ADGRL3: variants seen among roughly 807,000 people sequenced by gnomAD.
ADGRL3 encodes the protein calcium-independent alpha-latrotoxin receptor 3.
In ADGRL3, 62 loss-of-function variants were observed where a neutral mutation model predicts 153.5. The observed-to-expected ratio is 0.40, with a 90% confidence interval of 0.33 to 0.50. ADGRL3 has a LOEUF of 0.50. Among genes scored for constraint, ADGRL3 ranks in the 20% least tolerant of loss-of-function variants. The pLI, the probability that ADGRL3 is intolerant of heterozygous loss-of-function variation, is 0.47. For missense variants in ADGRL3, 1,641 were observed against 1,859.4 expected, an observed-to-expected ratio of 0.88 and a Z score of 2.16; for synonymous variants, 710 against 672.5, an observed-to-expected ratio of 1.06 and a Z score of -0.86.
intron 8 of ADGRL3, among the ~76,000 whole-genome samples, chr4:61,761,858 G>A (rs754740135): frequency 1.3e-5 from 2 of 152,070 alleles, no homozygotes; most frequent in Non-Finnish European, 2.9e-5. Context: ...TTGTGCCCAG[G>A]AGCTGGAGGC....
chr4:61,584,755 A>G (rs2098939677), intron 4 of ADGRL3, among the ~76,000 whole-genome samples: 1 of 151,990 alleles, frequency 6.6e-6, no homozygotes. Context: ...TTCTGATATT[A>G]AGGACCTTTT....
At chr4:61,525,573 T>C (rs1298142666) in intron 4 of ADGRL3, among the ~76,000 whole-genome samples, 1 of 151,978 alleles carries the variant, frequency 6.6e-6, no homozygotes, top group Non-Finnish European at 1.5e-5. Context: ...GTGGGAAAAG[T>C]TAGGATAGAG....
At chr4:61,997,435 A>G (rs963736281) in intron 20 of ADGRL3, among the ~76,000 whole-genome samples, 13 of 152,006 alleles carry the variant, frequency 8.6e-5, no homozygotes, top group Non-Finnish European at 1.8e-4. Flanking sequence ...TTGATAAAGT[A>G]TTGCGAACAT....
chr4:61,766,598 C>G (rs1322281191), intron 8 of ADGRL3, among the ~76,000 whole-genome samples: 1 of 151,738 alleles, frequency 6.6e-6, no homozygotes, highest in African/African-American at 2.4e-5. Context: ...GAGAATTATG[C>G]CAAGATAGGT....
intron 9 of ADGRL3, among the ~76,000 whole-genome samples, chr4:61,878,894 C>T (rs1056734317): frequency 2.6e-5 from 4 of 152,262 alleles, no homozygotes; most frequent in Middle Eastern, 3.4e-3. Flanking sequence ...CACTCATTGA[C>T]TCTTAAATTC....
Position 62,073,016 on chromosome 4 carries a change from C to T in ADGRL3, c.*2108C>T, listed in dbSNP as rs988010475. ...TTCTAGATCTCTCATTACTGCAGAT[C>T]CTTTATAGCAGTGTCCAAGTACAGA... On this transcript the variant is annotated 3_prime_UTR_variant, in exon 27 of 27. Coordinates refer to ENST00000683033, the MANE Select transcript of ADGRL3 (RefSeq NM_001387552.1). 8.6e-5 allele frequency: 13 copies of T among 152,040 alleles called. No individual in the cohort carries two copies. Among genetic ancestry groups the T allele is most frequent in the Admixed American group, 5.2e-4 (8 of 15,254 alleles). The allele number at this position is 152,040 out of a possible 1,614,324, so 9.4% of individuals were successfully genotyped here.
rs182078045 is a variant in ADGRL3 at position 61,993,468 on chromosome 4, T to C, written c.3237-2823T>C. On this transcript the variant is annotated intron_variant, in intron 19 of 26. Transcript: ENST00000683033. ...CACCAGGTCCGGCTAATTTTTGTAT[T>C]TTTAGTAGAGATGGGATTTCACCAT... Among the ~76,000 whole-genome samples the C allele has an allele frequency of 2.4e-4, 37 of 151,630 alleles. No individual in the cohort carries two copies. In the East Asian group the frequency reaches 6.9e-3, roughly 28 times the overall value.
chr4:61,677,107 A>G (rs1043443440), intron 6 of ADGRL3, 172 bp downstream of exon 6: 5 of 554,630 alleles, frequency 9.0e-6, no homozygotes, highest in Non-Finnish European at 1.6e-5. Flanking sequence ...AGAATTAGAT[A>G]TTGCCTACCC....
intron 4 of ADGRL3, among the ~76,000 whole-genome samples, chr4:61,536,786 T>C (rs982370309): frequency 6.6e-6 from 1 of 152,056 alleles, no homozygotes; most frequent in South Asian, 2.1e-4. Flanking sequence ...CATTACACAT[T>C]AGGTAGGTCT....
intron 8 of ADGRL3, among the ~76,000 whole-genome samples, chr4:61,787,323 C>A (rs1230677051): frequency 4.0e-5 from 6 of 151,670 alleles, no homozygotes; most frequent in Non-Finnish European, 8.8e-5. Flanking sequence ...TTTCAAATAT[C>A]CTAGCTTTTA....
In ADGRL3 at chr4:61,327,866, C is replaced by T. The variant is rs553963418; in HGVS notation, c.-239-55258C>T. Among the ~76,000 whole-genome samples, 26 of 151,910 alleles carry T rather than the reference C, an allele frequency of 1.7e-4. 1 individual carries two copies. In the South Asian group the frequency reaches 5.2e-3, roughly 30 times the overall value. On this transcript the variant is annotated intron_variant, in intron 1 of 26. Transcript: ENST00000683033. ...TTAATTATTAATCCATGATGATGTT[C>T]AGTAGTTTTAAAGAAATAGGACTTG...
chr4:61,776,101 T>G (rs1307861923), intron 8 of ADGRL3, among the ~76,000 whole-genome samples: 1 of 151,838 alleles, frequency 6.6e-6, no homozygotes, highest in Non-Finnish European at 1.5e-5. Flanking sequence ...GGGGTTTCAC[T>G]GTGTTAGCCA....
At chr4:61,902,041 A>G (rs544853191) in intron 11 of ADGRL3, among the ~76,000 whole-genome samples, 1 of 152,306 alleles carries the variant, frequency 6.6e-6, no homozygotes, top group South Asian at 2.1e-4. Flanking sequence ...TTCAACATAT[A>G]TGTATATTTT....
At chr4:61,976,429 T>C (rs2099048296) in intron 17 of ADGRL3, among the ~76,000 whole-genome samples, 1 of 152,170 alleles carries the variant, frequency 6.6e-6, no homozygotes, top group African/African-American at 2.4e-5. Flanking sequence ...CCACTTGATA[T>C]GGTTTGGCTG....
chr4:61,297,822 G>A (rs775453090), intron 1 of ADGRL3, among the ~76,000 whole-genome samples: 11 of 151,202 alleles, frequency 7.3e-5, no homozygotes, highest in East Asian at 1.9e-4. Context: ...CGTCACTACC[G>A]TCGCCACCAC....
Position 61,482,499 on chromosome 4 carries a change from G to A in ADGRL3, c.-173-14622G>A, listed in dbSNP as rs148152957. Among the ~76,000 whole-genome samples the A allele has an allele frequency of 3.3e-5, 5 of 152,158 alleles. No individual in the cohort carries two copies. In the East Asian group the frequency reaches 9.7e-4, roughly 29 times the overall value. On this transcript the variant is annotated intron_variant, in intron 2 of 26. Coordinates refer to ENST00000683033, the MANE Select transcript of ADGRL3 (RefSeq NM_001387552.1). ...ACAATTTGCCAGTTTGGGTTACTGT[G>A]GAACCTAGGTGCTCCTGAATTGTCC...
At chr4:61,620,742 G>A (rs1404416003) in intron 5 of ADGRL3, among the ~76,000 whole-genome samples, 1 of 139,976 alleles carries the variant, frequency 7.1e-6, no homozygotes, top group African/African-American at 2.7e-5. Context: ...TCGGGTTCAA[G>A]CGATTCTCCT....
At chr4:61,262,208 A>G (rs1211378616) in intron 1 of ADGRL3, among the ~76,000 whole-genome samples, 3 of 152,150 alleles carry the variant, frequency 2.0e-5, no homozygotes, top group East Asian at 1.9e-4. Context: ...TCAGCCATCT[A>G]TGACAATGTA....
At chr4:61,647,149 C>T (rs75118614) in intron 5 of ADGRL3, among the ~76,000 whole-genome samples, 4,276 of 152,162 alleles carry the variant, frequency 0.028, 152 homozygotes, top group East Asian at 0.14. Flanking sequence ...GCGCGGTGCA[C>T]TGCACCCACT....
Sources: allele counts gnomAD v4.1 joint callset (sites outside exome capture counted in the v4.1 genomes callset), GRCh38; gene constraint gnomAD v4.1.1; transcripts MANE v1.5; gene names NCBI Gene and HGNC (gene_info 2026-07-23, HGNC 2026-07-21).